C7orf33: variants seen among roughly 807,000 people sequenced by gnomAD.
The protein encoded by C7orf33 is chromosome 7 open reading frame 33.
In C7orf33, 15 loss-of-function variants were observed where a neutral mutation model predicts 13.4. The ratio of observed to expected loss-of-function variants is 1.12; its 90% CI spans 0.75 to 1.72. The LOEUF is 1.72. Among genes scored for constraint, C7orf33 ranks in the 40% most tolerant of loss-of-function variants. The probability of loss-of-function intolerance (pLI) is 0.00; values close to 1 mark genes in which losing one functional copy is unlikely to be tolerated. For synonymous variants in C7orf33, 73 were observed against 83.2 expected (o/e 0.88, Z 0.67); for missense variants, 187 against 220.3 (o/e 0.85, Z 0.96).
chr7:148,614,625 G>A (rs777716781), intron 2 of C7orf33, among the ~76,000 whole-genome samples: 12 of 152,104 alleles, frequency 7.9e-5, no homozygotes, highest in Non-Finnish European at 1.3e-4. Flanking sequence ...GGAATTCTTC[G>A]TGCAAATGCC....
intron 1 of C7orf33, 135 bp from the exon 2 acceptor site, chr7:148,613,907 A>G (rs1451886280): frequency 9.4e-6 from 9 of 955,264 alleles, no homozygotes; most frequent in African/African-American, 8.2e-5. Flanking sequence ...ATCTTTGTCT[A>G]TAATCTTTAG....
chr7:148,598,161 G>T (rs907835004), intron 1 of C7orf33, among the ~76,000 whole-genome samples: 2 of 152,064 alleles, frequency 1.3e-5, no homozygotes. Flanking sequence ...TGATTATTTT[G>T]CAATCTGCCT....
intron 1 of C7orf33, among the ~76,000 whole-genome samples, chr7:148,595,384 A>T (rs1360420820): frequency 4.4e-5 from 6 of 136,172 alleles, no homozygotes; most frequent in Admixed American, 1.6e-4. Context: ...GATCTCTATT[A>T]TATAGATATA....
intron 1 of C7orf33, 79 bp downstream of exon 1, chr7:148,591,208 T>C: frequency 8.3e-7 from 1 of 1,198,070 alleles, no homozygotes; most frequent in South Asian, 1.2e-5. Context: ...ACTCAATCCA[T>C]GAATGTTTTT....
rs183959201 is a variant in C7orf33 at position 148,591,188 on chromosome 7, G to A, written c.204+59G>A. Reference sequence around the variant, plus strand: ...CTTTGAGTCAGTCAGTATCTCTTGAGAATTCATTCACTCAATCCATGAATG... The same window carrying A: ...CTTTGAGTCAGTCAGTATCTCTTGAAAATTCATTCACTCAATCCATGAATG... On this transcript the variant is annotated intron_variant, in intron 1 of 2. Transcript: ENST00000307003. 4,490 of 1,371,832 alleles carry A rather than the reference G, an allele frequency of 3.3e-3. 39 individuals carry two copies. Among genetic ancestry groups the A allele is most frequent in the South Asian group, 0.013 (1,079 of 84,868 alleles). 85.0% of individuals were successfully genotyped at this position (1,371,832 alleles called of 1,614,324 possible).
At chr7:148,600,836 T>C (rs1350155680) in intron 1 of C7orf33, among the ~76,000 whole-genome samples, 1 of 136,652 alleles carries the variant, frequency 7.3e-6, no homozygotes, top group African/African-American at 2.9e-5. Context: ...GGAGTCTCGC[T>C]CTGTCACCCA....
intron 1 of C7orf33, among the ~76,000 whole-genome samples, chr7:148,601,772 C>T (rs142131342): frequency 7.9e-4 from 120 of 151,850 alleles, no homozygotes; most frequent in African/African-American, 2.6e-3. Context: ...TTTAGAAACA[C>T]GGTCTTGCTC....
chr7:148,604,961 GTGGCTC>G (rs1796457560), intron 1 of C7orf33, among the ~76,000 whole-genome samples: 1 of 152,284 alleles, frequency 6.6e-6, no homozygotes, highest in South Asian at 2.1e-4. Flanking sequence ...GCTGAACACG[GTGGCTC>G]ACGCCTGTAC....
chr7:148,603,489 G>A (rs943143378), intron 1 of C7orf33, among the ~76,000 whole-genome samples: 2 of 152,154 alleles, frequency 1.3e-5, no homozygotes, highest in Non-Finnish European at 2.9e-5. Flanking sequence ...CTGGGCAACA[G>A]AGCGAGACTC....
chr7:148,607,407 T>C (rs1252860864), intron 1 of C7orf33, among the ~76,000 whole-genome samples: 1 of 152,116 alleles, frequency 6.6e-6, no homozygotes, highest in East Asian at 1.9e-4. Flanking sequence ...TTCTTCTTAA[T>C]TGTCTTCAGC....
intron 1 of C7orf33, among the ~76,000 whole-genome samples, chr7:148,591,406 T>G (rs151161333): frequency 6.6e-6 from 1 of 152,078 alleles, no homozygotes; most frequent in Non-Finnish European, 1.5e-5. Flanking sequence ...AGCGTAAAAA[T>G]TGTATATTTT....
Position 148,601,348 on chromosome 7 carries a change from A to T in C7orf33, c.204+10219A>T, listed in dbSNP as rs183970248. Among the ~76,000 whole-genome samples, 150 of 151,690 alleles carry T rather than the reference A, an allele frequency of 9.9e-4. 1 individual carries two copies. Among genetic ancestry groups the T allele is most frequent in the Middle Eastern group, 3.4e-3 (1 of 292 alleles). ...TTTTCCAAATAAGTGAGCTTTTAAA[A>T]TTTTTTTTATTTTTTGAGACAGAGT... On this transcript the variant is annotated intron_variant, in intron 1 of 2. Transcript: ENST00000307003.
intron 1 of C7orf33, among the ~76,000 whole-genome samples, chr7:148,591,458 G>A (rs188520332): frequency 1.3e-5 from 2 of 152,312 alleles, no homozygotes; most frequent in Admixed American, 1.3e-4. Context: ...CTCAGACTAT[G>A]TTTTGCCCTG....
intron 1 of C7orf33, among the ~76,000 whole-genome samples, chr7:148,592,615 A>G (rs1036560444): frequency 2.0e-5 from 3 of 151,676 alleles, no homozygotes; most frequent in Non-Finnish European, 1.5e-5. Flanking sequence ...CCTGGGTTCA[A>G]GCGATTCTCC....
intron 1 of C7orf33, among the ~76,000 whole-genome samples, chr7:148,596,262 G>C (rs1381585059): frequency 6.6e-6 from 1 of 152,142 alleles, no homozygotes; most frequent in Admixed American, 6.5e-5. Context: ...TCCCCCACCA[G>C]AATGGTGGAT....
intron 1 of C7orf33, among the ~76,000 whole-genome samples, chr7:148,595,671 G>T (rs554290640): frequency 8.4e-4 from 81 of 96,646 alleles, no homozygotes; most frequent in African/African-American, 3.5e-3. Context: ...ATATTATATA[G>T]ATATAATATA....
chr7:148,591,090 A>G lies in C7orf33; in HGVS notation c.165A>G (p.Pro55=). Residue 55 remains proline, a synonymous_variant, in exon 1 of 3, where the codon CCA becomes CCG. Coordinates refer to ENST00000307003, the MANE Select transcript of C7orf33 (RefSeq NM_145304.4). Reference sequence around the variant, plus strand: ...TTTGGGTCCACGTTAGGGGCGGTCCAGGTCAATTTAACTTGTCATATGCCA... The same window carrying G: ...TTTGGGTCCACGTTAGGGGCGGTCCGGGTCAATTTAACTTGTCATATGCCA... ...VAVWVHVRGG[P]GQFNLSYATG... 2 of 1,613,614 alleles carry G rather than the reference A, an allele frequency of 1.2e-6. No individual in the cohort carries two copies. Among genetic ancestry groups the G allele is most frequent in the Non-Finnish European group, 1.7e-6 (2 of 1,179,904 alleles).
intron 1 of C7orf33, among the ~76,000 whole-genome samples, chr7:148,612,699 C>T (rs929462762): frequency 1.3e-5 from 2 of 152,012 alleles, no homozygotes; most frequent in Non-Finnish European, 2.9e-5. Context: ...CACTTCATCC[C>T]CACTAGGATG....
intron 1 of C7orf33, among the ~76,000 whole-genome samples, chr7:148,600,410 G>T (rs938555253): frequency 6.6e-6 from 1 of 152,202 alleles, no homozygotes; most frequent in Non-Finnish European, 1.5e-5. Flanking sequence ...GGCAGAGGTT[G>T]CAGTGAGCTG....
Sources: allele counts gnomAD v4.1 joint callset (sites outside exome capture counted in the v4.1 genomes callset), GRCh38; gene constraint gnomAD v4.1.1; transcripts MANE v1.5; gene names NCBI Gene and HGNC (gene_info 2026-07-23, HGNC 2026-07-21).